Variants in TTYH1 observed in about 807,000 individuals in gnomAD.
TTYH1 encodes the protein protein tweety homolog 1.
A neutral mutation model predicts 61.2 loss-of-function variants in TTYH1; 33 were observed. That is an observed-to-expected ratio of 0.54 (90% confidence interval 0.41 to 0.72). TTYH1 has a LOEUF of 0.72. Ranked by LOEUF, TTYH1 falls within the 30% of genes least tolerant of loss-of-function variation. The pLI is 0.00. For synonymous variants in TTYH1, 308 were observed against 266.4 expected, an observed-to-expected ratio of 1.16 and a Z score of -1.52; for missense variants, 538 against 575.8, an observed-to-expected ratio of 0.93 and a Z score of 0.67.
Position 54,429,445 on chromosome 19 carries a change from T to A in TTYH1, c.807+66T>A. On this transcript the variant is annotated intron_variant, in intron 6 of 13. Transcript: ENST00000376530. The surrounding 1 kb of genome is among the most constrained non-coding windows in gnomAD (Gnocchi z 5.1). ...GGGCCTGGAGACTTCAACTTCTGGA[T>A]CTCGGGATGGCATGGCTTAGTAGAG... is the stretch of plus-strand genomic sequence containing the variant. The A allele has an allele frequency of 6.9e-7, 1 of 1,441,166 alleles. No individual in the cohort carries two copies. Among genetic ancestry groups the A allele is most frequent in the South Asian group, 1.1e-5 (1 of 87,574 alleles). The allele number at this position is 1,441,166 out of a possible 1,614,324, so 89.3% of individuals were successfully genotyped here.
intron 10 of TTYH1, chr19:54,431,723 G>A (rs1292330435): frequency 6.3e-6 from 1 of 157,686 alleles, no homozygotes; most frequent in Non-Finnish European, 1.4e-5. Flanking sequence ...GGACAGGCAG[G>A]GGTGGGCAGG....
rs1419405493 is a variant in TTYH1 at position 54,416,831 on chromosome 19, C to T, written c.126+1153C>T. Reference sequence around the variant, plus strand: ...GGCCACCTCCAACAACGCCGCTCCACCGGCTCCGGCCTCGGCCCAGACTCA... The same window carrying T: ...GGCCACCTCCAACAACGCCGCTCCATCGGCTCCGGCCTCGGCCCAGACTCA... On this transcript the variant is annotated intron_variant, in intron 1 of 13. Coordinates refer to ENST00000376530, the MANE Select transcript of TTYH1 (RefSeq NM_020659.4). This position sits in a 1 kb window ranked among gnomAD's most constrained non-coding sequence, Gnocchi z 7.0. The T allele has an allele frequency of 4.6e-6, 6 of 1,293,484 alleles. No homozygotes were observed. In the Admixed American group the frequency reaches 6.9e-5, roughly 15 times the overall value. The allele number at this position is 1,293,484 out of a possible 1,614,324, so 80.1% of individuals were successfully genotyped here. A position where few individuals can be genotyped will look rare whatever the true frequency, so the allele number is the denominator to read the frequency against.
Position 54,429,065 on chromosome 19 carries a change from C to G in TTYH1, c.735-242C>G, listed in dbSNP as rs575437924. On this transcript the variant is annotated intron_variant, in intron 5 of 13. Transcript: ENST00000376530. The surrounding 1 kb of genome is among the most constrained non-coding windows in gnomAD (Gnocchi z 5.1). ...GAGCTGGGATCCAAGCTGCGACCAC[C>G]CAGCCCAGGGCCCTGCTCATACCCC... is the stretch of plus-strand genomic sequence containing the variant. 1.2e-3 allele frequency among the ~76,000 whole-genome samples: 185 copies of G among 152,250 alleles called. 7 individuals are homozygous for G. The South Asian group carries it at 0.037, about 31-fold the overall frequency.
In TTYH1 at chr19:54,415,951, G is replaced by A. The variant is rs1488320416; in HGVS notation, c.126+273G>A. On this transcript the variant is annotated intron_variant, in intron 1 of 13. Transcript: ENST00000376530. The surrounding 1 kb of genome is among the most constrained non-coding windows in gnomAD (Gnocchi z 5.2). ...AGTTCATGGAGAGGAGGGGAGGGGG[G>A]CCCGGATTCCCGGGTGTCTGATACC... The A allele has an allele frequency of 1.0e-5, 11 of 1,066,766 alleles. No homozygotes were observed. The highest frequency in any genetic ancestry group is 1.2e-5 in the Non-Finnish European group (9 of 751,574). 66.1% of individuals were successfully genotyped at this position (1,066,766 alleles called of 1,614,324 possible).
At chr19:54,423,797 CG>C (rs1280100373) in intron 4 of TTYH1, among the ~76,000 whole-genome samples, 1 of 152,092 alleles carries the variant, frequency 6.6e-6, no homozygotes. Flanking sequence ...CTGCGTCCTC[CG>C]GGGGGAACCA....
chr19:54,419,365 G>T lies in TTYH1; in HGVS notation c.305+59G>T. 2.0e-6 allele frequency: 3 copies of T among 1,526,182 alleles called. No individual in the cohort carries two copies. The highest frequency in any genetic ancestry group is 2.7e-6 in the Non-Finnish European group (3 of 1,130,836). The allele number at this position is 1,526,182 out of a possible 1,614,324, so 94.5% of individuals were successfully genotyped here. ...ACAGGGCTCCCCAAGCTCTTTGCTG[G>T]CCTTCCTGGGGGTGTCCTCCGGGGA... is the stretch of plus-strand genomic sequence containing the variant. On this transcript the variant is annotated intron_variant, in intron 2 of 13. Transcript: ENST00000376530. The surrounding 1 kb of genome is among the most constrained non-coding windows in gnomAD (Gnocchi z 6.1).
In TTYH1 at chr19:54,416,158, G is replaced by T; in HGVS notation, c.126+480G>T. ...GCTGGCTGCTGCGGTGCTGGGATGG[G>T]ATTGAGAGTCTGAAATGGGGAAGGG... On this transcript the variant is annotated intron_variant, in intron 1 of 13. Coordinates refer to ENST00000376530, the MANE Select transcript of TTYH1 (RefSeq NM_020659.4). The surrounding 1 kb of genome is among the most constrained non-coding windows in gnomAD (Gnocchi z 7.0). 1 of 1,036,550 alleles carries T rather than the reference G, an allele frequency of 9.6e-7. No individual in the cohort carries two copies. Among genetic ancestry groups the T allele is most frequent in the Non-Finnish European group, 1.3e-6 (1 of 747,290 alleles). The allele number at this position is 1,036,550 out of a possible 1,614,324, so 64.2% of individuals were successfully genotyped here.
In TTYH1 at chr19:54,416,437, C is replaced by CT; in HGVS notation, c.126+760dup. On this transcript the variant is annotated intron_variant, in intron 1 of 13. Coordinates refer to ENST00000376530, the MANE Select transcript of TTYH1 (RefSeq NM_020659.4). The surrounding 1 kb of genome is among the most constrained non-coding windows in gnomAD (Gnocchi z 7.0). Reference sequence around the variant, plus strand: ...CTCCAATGGGCGAAAGAGCTGTCCCCTGACCCAGTTTAATTCAAGTCCTTG... The same window carrying CT: ...CTCCAATGGGCGAAAGAGCTGTCCCCTTGACCCAGTTTAATTCAAGTCCTTG... 1 of 281,302 alleles carries CT rather than the reference C, an allele frequency of 3.6e-6. No individual in the cohort carries two copies. The highest frequency in any genetic ancestry group is 3.1e-5 in the South Asian group (1 of 32,720). The allele number at this position is 281,302 out of a possible 1,614,324, so 17.4% of individuals were successfully genotyped here. A position where few individuals can be genotyped will look rare whatever the true frequency, so the allele number is the denominator to read the frequency against.
intron 4 of TTYH1, among the ~76,000 whole-genome samples, chr19:54,425,048 C>T (rs1049121564): frequency 2.0e-5 from 3 of 152,152 alleles, no homozygotes; most frequent in East Asian, 3.9e-4. Flanking sequence ...TATTAGAAGC[C>T]GTGGGTCACG....
Position 54,435,562 on chromosome 19 carries a change from G to T in TTYH1, c.1146G>T (p.Arg382=). 1 of 1,606,830 alleles carries T rather than the reference G, an allele frequency of 6.2e-7. No homozygotes were observed. ...CTCAGGACTATGGTGCAGCCCTGCG[G>T]GGCCTGTGCGAAGACGCCCTGGAAG... ...SLHKDYGAAL[R]GLCEDALEGL... The change falls in exon 11 of 14, where the codon CGG becomes CGT. Residue 382 remains arginine (R), a synonymous_variant. Coordinates refer to ENST00000376530, the MANE Select transcript of TTYH1 (RefSeq NM_020659.4).
At position 54,415,557 on chromosome 19, in the gene TTYH1, G is replaced by T. The variant is rs1302586942; in HGVS notation, c.5G>T (p.Gly2Val). The change falls in exon 1 of 14, where the codon GGG (glycine) becomes GTG (valine). Residue 2 changes from glycine to valine, a missense_variant. Gly to Val is a moderately radical substitution (Grantham distance 109). Transcript: ENST00000376530. This position sits in a 1 kb window ranked among gnomAD's most constrained non-coding sequence, Gnocchi z 5.2. Reference sequence around the variant, plus strand: ...CTGCCCCCTCCCCCGGGGGCCATGGGGGCGCCCCCGGGCTACCGGCCCTCA... The same window carrying T: ...CTGCCCCCTCCCCCGGGGGCCATGGTGGCGCCCCCGGGCTACCGGCCCTCA... Reference protein sequence around the residue: MGAPPGYRPSAW... With the variant: MVAPPGYRPSAW... The T allele has an allele frequency of 1.4e-6, 2 of 1,475,238 alleles. No individual in the cohort carries two copies. Among genetic ancestry groups the T allele is most frequent in the Admixed American group, 2.4e-5 (1 of 42,442 alleles). 91.4% of individuals were successfully genotyped at this position (1,475,238 alleles called of 1,614,324 possible).
At position 54,436,215 on chromosome 19, in the gene TTYH1, G is replaced by A. The variant is rs1569271281; in HGVS notation, c.*42+44G>A. On this transcript the variant is annotated intron_variant, in intron 13 of 13. Transcript: ENST00000376530. This position sits in a 1 kb window ranked among gnomAD's most constrained non-coding sequence, Gnocchi z 4.3. ...CCCCAGCTCCTGCAGCCGGGCCTCT[G>A]CCCCCCTCCCGCCCTCCGAGCTGCT... 3 of 1,608,100 alleles carry A rather than the reference G, an allele frequency of 1.9e-6. No individual in the cohort carries two copies. Among genetic ancestry groups the A allele is most frequent in the East Asian group, 2.2e-5 (1 of 44,862 alleles).
intron 5 of TTYH1, among the ~76,000 whole-genome samples, chr19:54,428,848 C>T (rs750873018): frequency 1.3e-5 from 2 of 152,104 alleles, no homozygotes; most frequent in South Asian, 2.1e-4. Context: ...GTCACCCTAC[C>T]AATGCTGACA....
Position 54,420,375 on chromosome 19 carries a change from G to A in TTYH1, c.306-902G>A, listed in dbSNP as rs774477208. On this transcript the variant is annotated intron_variant, in intron 2 of 13. Transcript: ENST00000376530. The surrounding 1 kb of genome is among the most constrained non-coding windows in gnomAD (Gnocchi z 4.8). ...GGGGAGGTGGACAAAGGCCCAGTGG[G>A]GGAGAGACACGGCCCCAGCCCCCGC... is the stretch of plus-strand genomic sequence containing the variant. 1.3e-5 allele frequency among the ~76,000 whole-genome samples: 2 copies of A among 152,168 alleles called. No homozygotes were observed. Among genetic ancestry groups the A allele is most frequent in the Non-Finnish European group, 2.9e-5 (2 of 68,010 alleles).
At chr19:54,424,514 G>A (rs1862488) in intron 4 of TTYH1, among the ~76,000 whole-genome samples, 48,410 of 152,150 alleles carry the variant, frequency 0.32, 8,331 homozygotes, top group East Asian at 0.52. Context: ...GAGACAGACA[G>A]GCCTGGGTTT....
rs2083545624 is a variant in TTYH1 at position 54,436,082 on chromosome 19, T to G, written c.1315-9T>G. On this transcript the variant is annotated splice_polypyrimidine_tract_variant and intron_variant, in intron 12 of 13. Coordinates refer to ENST00000376530, the MANE Select transcript of TTYH1 (RefSeq NM_020659.4). The surrounding 1 kb of genome is among the most constrained non-coding windows in gnomAD (Gnocchi z 4.3). ...CTCCTCTCCCCCGCTACCCCGAATC[T>G]CCTAGCAGGAATCCAAGCGCTTTGT... 1.1e-5 allele frequency: 17 copies of G among 1,613,712 alleles called. No homozygotes were observed. The highest frequency in any genetic ancestry group is 1.4e-5 in the Non-Finnish European group (16 of 1,179,746).
At position 54,421,190 on chromosome 19, in the gene TTYH1, C is replaced by T. The variant is rs745591005; in HGVS notation, c.306-87C>T. 276 of 804,480 alleles carry T rather than the reference C, an allele frequency of 3.4e-4. 1 individual carries two copies. The highest frequency in any genetic ancestry group is 4.1e-4 in the Non-Finnish European group (197 of 478,850). 49.8% of individuals were successfully genotyped at this position (804,480 alleles called of 1,614,324 possible). ...GAGATGGGAGGGGTGGATAAGAAGG[C>T]GAGGTGGAGGGGATGGGGTGGGAGG... On this transcript the variant is annotated intron_variant, in intron 2 of 13. Coordinates refer to ENST00000376530, the MANE Select transcript of TTYH1 (RefSeq NM_020659.4). This position sits in a 1 kb window ranked among gnomAD's most constrained non-coding sequence, Gnocchi z 4.8.
At chr19:54,425,336 A>C (rs2083303027) in intron 4 of TTYH1, among the ~76,000 whole-genome samples, 2 of 152,198 alleles carry the variant, frequency 1.3e-5, no homozygotes, top group Admixed American at 6.5e-5. Context: ...TCAAGTTTTA[A>C]TAGAGTGAAA....
In TTYH1 at chr19:54,416,221, G is replaced by A. The variant is rs368486242; in HGVS notation, c.126+543G>A. 8 of 446,646 alleles carry A rather than the reference G, an allele frequency of 1.8e-5. No individual in the cohort carries two copies. Among genetic ancestry groups the A allele is most frequent in the African/African-American group, 1.5e-4 (7 of 48,242 alleles). The allele number at this position is 446,646 out of a possible 1,614,324, so 27.7% of individuals were successfully genotyped here. ...TGAGGACCAGGGCTGGAAAATGAAG[G>A]GGCTCTGGGAGAGGAAGCTTCTTGC... On this transcript the variant is annotated intron_variant, in intron 1 of 13. Transcript: ENST00000376530. This position sits in a 1 kb window ranked among gnomAD's most constrained non-coding sequence, Gnocchi z 7.0.
Sources: allele counts gnomAD v4.1 joint callset (sites outside exome capture counted in the v4.1 genomes callset), GRCh38; gene constraint gnomAD v4.1.1; non-coding constraint Gnocchi (gnomAD v3.1); transcripts MANE v1.5; gene names NCBI Gene and HGNC (gene_info 2026-07-23, HGNC 2026-07-21).